PALS1: variants seen among roughly 807,000 people sequenced by gnomAD.
The protein encoded by PALS1 is protein PALS1.
Under a neutral mutation model 78.9 loss-of-function variants are expected in PALS1, and 31 were observed. The ratio of observed to expected loss-of-function variants is 0.39; its 90% confidence interval spans 0.30 to 0.53. PALS1 has a LOEUF of 0.53. Ranked by LOEUF, PALS1 falls within the 20% of genes least tolerant of loss-of-function variation. The pLI is 0.67. For missense variants in PALS1, 704 were observed against 826.5 expected (o/e 0.85, Z 1.82); for synonymous variants, 276 against 270.9 (o/e 1.02, Z -0.18).
chr14:67,297,432 T>G (rs1388475815), intron 4 of PALS1, among the ~76,000 whole-genome samples: 1 of 109,784 alleles, frequency 9.1e-6, no homozygotes, highest in Non-Finnish European at 1.6e-5. Flanking sequence ...ATTTTACTAG[T>G]TTTTTTTGTG....
intron 2 of PALS1, among the ~76,000 whole-genome samples, chr14:67,275,947 C>T (rs1183206336): frequency 6.6e-6 from 1 of 152,148 alleles, no homozygotes; most frequent in Admixed American, 6.5e-5. Context: ...GTTTGTATTT[C>T]TGTGGGGTTG....
At chr14:67,249,603 A>G (rs2140432368) in intron 1 of PALS1, among the ~76,000 whole-genome samples, 1 of 152,314 alleles carries the variant, frequency 6.6e-6, no homozygotes, top group African/African-American at 2.4e-5. Context: ...AATAAGTTCA[A>G]ATATTAGAAA....
chr14:67,278,898 C>T (rs1595579650), intron 2 of PALS1, 120 bp from the exon 3 acceptor site: 1 of 219,462 alleles, frequency 4.6e-6, no homozygotes, highest in Non-Finnish European at 8.9e-6. Context: ...ATCTACTTAA[C>T]AAAATAATAT....
intron 13 of PALS1, 59 bp from the exon 14 acceptor site, chr14:67,323,640 GTAT>G (rs2085303914): frequency 2.1e-6 from 1 of 483,034 alleles, no homozygotes; most frequent in Non-Finnish European, 3.6e-6. Context: ...ATATATATCA[GTAT>G]TATTAGGAAG....
intron 4 of PALS1, 88 bp downstream of exon 4, chr14:67,292,807 T>C (rs2084795104): frequency 2.0e-6 from 2 of 986,162 alleles, no homozygotes; most frequent in Admixed American, 4.6e-5. Flanking sequence ...AATGTGACTA[T>C]AAGATTTGTT....
chr14:67,321,356 C>T, intron 13 of PALS1, 97 bp downstream of exon 13: 3 of 1,112,890 alleles, frequency 2.7e-6, no homozygotes, highest in South Asian at 1.4e-5. Context: ...ACAGCGCGAC[C>T]TAATTAAGTT....
At chr14:67,284,547 T>TTAAA (rs2084651472) in intron 3 of PALS1, among the ~76,000 whole-genome samples, 1 of 23,296 alleles carries the variant, frequency 4.3e-5, no homozygotes, top group African/African-American at 1.2e-4. Context: ...GCTGCAGTGC[T>TTAAA]AAAAAAAAAA....
chr14:67,247,335 A>G (rs2084002706), intron 1 of PALS1, among the ~76,000 whole-genome samples: 1 of 152,206 alleles, frequency 6.6e-6, no homozygotes, highest in Non-Finnish European at 1.5e-5. Context: ...GATGGTATAT[A>G]GAAATTAATT....
intron 4 of PALS1, among the ~76,000 whole-genome samples, chr14:67,293,627 A>C (rs1363715754): frequency 6.6e-6 from 1 of 152,168 alleles, no homozygotes; most frequent in African/African-American, 2.4e-5. Context: ...CGGAGATTGA[A>C]ATAACATTAC....
intron 1 of PALS1, among the ~76,000 whole-genome samples, chr14:67,252,743 A>G (rs986209379): frequency 3.3e-5 from 5 of 152,242 alleles, no homozygotes; most frequent in Non-Finnish European, 7.3e-5. Flanking sequence ...GGAATGGCAC[A>G]TAGTAGATGC....
At chr14:67,309,915 T>C (rs2085061923) in intron 8 of PALS1, among the ~76,000 whole-genome samples, 1 of 152,168 alleles carries the variant, frequency 6.6e-6, no homozygotes. Context: ...GTACTTTGAT[T>C]TGATCTTTGA....
rs371701983 is a variant in PALS1, at chr14:67,279,139, A to C, written c.-32A>C. On this transcript the variant is annotated 5_prime_UTR_variant, in exon 3 of 15. Coordinates refer to ENST00000261681, the MANE Select transcript of PALS1 (RefSeq NM_022474.4). ...ATTGGCTTATAGGAAAAATTGATTT[A>C]TAAAAAGTGGTACAGGTTTTCATAG... 392 of 1,506,746 alleles carry C rather than the reference A, an allele frequency of 2.6e-4. 7 individuals carry two copies. The South Asian group carries it at 5.1e-3, about 20-fold the overall frequency. 93.3% of individuals were successfully genotyped at this position (1,506,746 alleles called of 1,614,324 possible). A position where few individuals can be genotyped will look rare whatever the true frequency, so the allele number is the denominator to read the frequency against.
chr14:67,296,195 G>A (rs747325668), intron 4 of PALS1, among the ~76,000 whole-genome samples: 28 of 152,176 alleles, frequency 1.8e-4, no homozygotes, highest in African/African-American at 6.3e-4. Flanking sequence ...ACCAGGAAGC[G>A]TAAGAAAGAG....
intron 2 of PALS1, among the ~76,000 whole-genome samples, chr14:67,272,399 C>T (rs8013980): frequency 0.079 from 12,089 of 152,122 alleles, 1,138 homozygotes; most frequent in African/African-American, 0.23. Flanking sequence ...TTTTCATCTA[C>T]GAAATGGGCA....
chr14:67,245,424 C>T (rs1361463146), intron 1 of PALS1, among the ~76,000 whole-genome samples: 1 of 152,022 alleles, frequency 6.6e-6, no homozygotes, highest in African/African-American at 2.4e-5. Flanking sequence ...TGCTTATTTG[C>T]CATCTGTTTA....
intron 8 of PALS1, among the ~76,000 whole-genome samples, chr14:67,306,318 G>A (rs556379813): frequency 1.3e-5 from 2 of 151,874 alleles, no homozygotes; most frequent in African/African-American, 2.4e-5. Context: ...GTGATGTGCA[G>A]TATTTTTCTT....
At chr14:67,310,763 A>G (rs1347933237) in intron 8 of PALS1, among the ~76,000 whole-genome samples, 1 of 152,208 alleles carries the variant, frequency 6.6e-6, no homozygotes, top group Non-Finnish European at 1.5e-5. Flanking sequence ...AAGTTAATAA[A>G]ATATTCTTTG....
intron 1 of PALS1, among the ~76,000 whole-genome samples, chr14:67,259,528 C>T (rs1595566173): frequency 6.6e-6 from 1 of 152,082 alleles, no homozygotes; most frequent in South Asian, 2.1e-4. Context: ...AGGAGAATTG[C>T]GTGAACTCAG....
chr14:67,293,256 GTGTT>G (rs2140829793), intron 4 of PALS1, among the ~76,000 whole-genome samples: 1 of 152,178 alleles, frequency 6.6e-6, no homozygotes, highest in African/African-American at 2.4e-5. Flanking sequence ...CTGGTGTTCA[GTGTT>G]TGATCTGTTA....
Sources: gnomAD v4.1 joint callset for allele counts (sites outside exome capture counted in the v4.1 genomes callset) on GRCh38, gnomAD v4.1.1 for gene constraint, MANE v1.5 for transcripts, NCBI Gene and HGNC (gene_info 2026-07-23, HGNC 2026-07-21) for gene names.